The following ITPK1 variants were observed in gnomAD, a reference collection of about 807,000 sequenced individuals.
The protein encoded by ITPK1 is inositol 1,3,4-trisphosphate 5/6-kinase.
Under a neutral mutation model 45.3 loss-of-function variants are expected in ITPK1, and 21 were observed. The observed-to-expected ratio is 0.46, with a 90% confidence interval of 0.33 to 0.67. ITPK1 has a LOEUF of 0.67. ITPK1 is among the 30% of genes least tolerant of loss of function. ITPK1 has a pLI of 0.02. For synonymous variants in ITPK1, 258 were observed against 253.6 expected (o/e 1.02, Z -0.16); for missense variants, 474 against 573.5 (o/e 0.83, Z 1.77).
chr14:93,094,030 C>T lies in ITPK1; in HGVS notation c.96-17411G>A, dbSNP rs371812480. ...TCCTGGGGCGCTCCAGCCAGGCCCC[C>T]ACCGCCTCGGCTCCACCGCTCCCGG... On this transcript the variant is annotated intron_variant, in intron 2 of 10. Coordinates refer to ENST00000267615, the MANE Select transcript of ITPK1 (RefSeq NM_014216.6). Among the ~76,000 whole-genome samples, 11 of 152,314 alleles carry T rather than the reference C, an allele frequency of 7.2e-5. 1 individual carries two copies. In the East Asian group the frequency reaches 1.4e-3, roughly 19 times the overall value.
intron 5 of ITPK1, among the ~76,000 whole-genome samples, chr14:92,987,789 G>A (rs1886565860): frequency 6.6e-6 from 1 of 152,202 alleles, no homozygotes; most frequent in Non-Finnish European, 1.5e-5. Flanking sequence ...GCCAGACCTG[G>A]TTCCACATGC....
At chr14:93,007,684 C>T (rs886874291) in intron 4 of ITPK1, among the ~76,000 whole-genome samples, 1 of 152,174 alleles carries the variant, frequency 6.6e-6, no homozygotes, top group African/African-American at 2.4e-5. Flanking sequence ...AGAGACAGAT[C>T]CTGCTGCCAG....
intron 2 of ITPK1, among the ~76,000 whole-genome samples, chr14:93,079,843 A>T (rs1290322850): frequency 6.6e-6 from 1 of 152,224 alleles, no homozygotes. Context: ...AGGGAACACA[A>T]ATCAGAGCAT....
chr14:93,058,423 CG>C, intron 3 of ITPK1, among the ~76,000 whole-genome samples: 1 of 43,058 alleles, frequency 2.3e-5, no homozygotes, highest in Non-Finnish European at 4.3e-5. Context: ...GGAGGGGGTG[CG>C]GGTCACGAGG....
At chr14:93,030,382 G>C (rs1333445600) in intron 3 of ITPK1, among the ~76,000 whole-genome samples, 3 of 152,238 alleles carry the variant, frequency 2.0e-5, no homozygotes, top group African/African-American at 4.8e-5. Context: ...GCCTCAGTTT[G>C]TGTGAGTGAT....
intron 5 of ITPK1, among the ~76,000 whole-genome samples, chr14:92,981,991 C>T (rs747309452): frequency 2.0e-5 from 3 of 152,308 alleles, no homozygotes; most frequent in East Asian, 1.9e-4. Context: ...CCCTGGGGTT[C>T]GGCTTGGCTG....
chr14:92,951,828 G>A (rs569893308), intron 9 of ITPK1, 118 bp downstream of exon 9: 24 of 772,768 alleles, frequency 3.1e-5, no homozygotes, highest in Admixed American at 9.2e-5. Context: ...GGAGGCAAAC[G>A]TCCTTCCCAC....
intron 5 of ITPK1, among the ~76,000 whole-genome samples, chr14:92,973,542 T>C (rs1246387398): frequency 4.6e-5 from 7 of 152,220 alleles, no homozygotes; most frequent in African/African-American, 1.7e-4. Context: ...AAAGTCACCT[T>C]CCCTCTGTGG....
rs534681758 is a variant in ITPK1, at chr14:93,012,228, T to A, written c.246+4448A>T. On this transcript the variant is annotated intron_variant, in intron 4 of 10. Transcript: ENST00000267615. The surrounding 1 kb of genome is among the most constrained non-coding windows in gnomAD (Gnocchi z 4.9). ...GGAGCAGACACAATCCCTGCCGCAG[T>A]GAAGGGACAGACAATAGCCACTGAT... Among the ~76,000 whole-genome samples the A allele has an allele frequency of 6.6e-6, 1 of 152,238 alleles. No individual in the cohort carries two copies. The highest frequency in any genetic ancestry group is 1.9e-4 in the East Asian group (1 of 5,172).
At chr14:93,075,326 CAAAAAAAAAAAAAAAAAAAAA>C (rs58089863) in intron 3 of ITPK1, among the ~76,000 whole-genome samples, 11 of 53,970 alleles carry the variant, frequency 2.0e-4, no homozygotes, top group East Asian at 6.5e-4. Context: ...GACTCCTTCT[CAAAAAAAAAAAAAAAAAAAAA>C]AAAAAAAAAA....
rs140475831 is a variant in ITPK1, at chr14:92,941,072, G to A, written c.*489C>T. 5.0e-4 allele frequency: 599 copies of A among 1,202,468 alleles called. 1 individual carries two copies. In the African/African-American group the frequency reaches 7.9e-3, roughly 16 times the overall value. 74.5% of individuals were successfully genotyped at this position (1,202,468 alleles called of 1,614,324 possible). Reference sequence around the variant, plus strand: ...AAAGCCTTGGTGGAGACCAGTAGGAGGAAAAACAAGGAAGGGGCAGGTCAG... The same window carrying A: ...AAAGCCTTGGTGGAGACCAGTAGGAAGAAAAACAAGGAAGGGGCAGGTCAG... On this transcript the variant is annotated 3_prime_UTR_variant, in exon 11 of 11. Transcript: ENST00000267615.
Position 93,115,215 on chromosome 14 carries a change from A to G in ITPK1, c.-52T>C. 1 of 1,340,842 alleles carries G rather than the reference A, an allele frequency of 7.5e-7. No homozygotes were observed. Among genetic ancestry groups the G allele is most frequent in the African/African-American group, 1.5e-5 (1 of 66,538 alleles). The allele number at this position is 1,340,842 out of a possible 1,614,324, so 83.1% of individuals were successfully genotyped here. A position where few individuals can be genotyped will look rare whatever the true frequency, so the allele number is the denominator to read the frequency against. On this transcript the variant is annotated 5_prime_UTR_variant, in exon 2 of 11. Coordinates refer to ENST00000267615, the MANE Select transcript of ITPK1 (RefSeq NM_014216.6). ...TCCGGAGGAAATCGCCCACAGGCCG[A>G]GTCTGGCGGCCGGCGCGCGCCGCGA...
At chr14:93,027,647 A>G (rs1005809412) in intron 3 of ITPK1, among the ~76,000 whole-genome samples, 1 of 152,226 alleles carries the variant, frequency 6.6e-6, no homozygotes, top group Admixed American at 6.5e-5. Context: ...ACAACTGTGT[A>G]CACGTGCCTC....
chr14:92,990,037 G>A (rs12589484), intron 5 of ITPK1, among the ~76,000 whole-genome samples: 1 of 152,088 alleles, frequency 6.6e-6, no homozygotes, highest in African/African-American at 2.4e-5. Context: ...CCATGTCTTG[G>A]AAGACTGCTA....
At position 92,938,567 on chromosome 14, in the gene ITPK1, C is replaced by T; in HGVS notation, c.*2994G>A. The stretch of plus-strand genomic sequence containing the variant: ...AATGTTTTTCCCAGGTTGCTTTCTC[C>T]TTTATTGACAGGCATGAGACACAGG... On this transcript the variant is annotated 3_prime_UTR_variant, in exon 11 of 11. Coordinates refer to ENST00000267615, the MANE Select transcript of ITPK1 (RefSeq NM_014216.6). 6.4e-7 allele frequency: 1 copy of T among 1,553,964 alleles called. No individual in the cohort carries two copies. Among genetic ancestry groups the T allele is most frequent in the Non-Finnish European group, 8.9e-7 (1 of 1,126,498 alleles).
intron 10 of ITPK1, among the ~76,000 whole-genome samples, chr14:92,946,104 T>C (rs1887672332): frequency 1.3e-5 from 2 of 152,118 alleles, no homozygotes; most frequent in African/African-American, 4.8e-5. Context: ...CTGTGGCCAC[T>C]GTGCCTGGCG....
rs553640626 is a variant in ITPK1, at chr14:93,034,754, C to T, written c.121-17953G>A. ...GAGGGTGAAGAAGCCAGTTTAGCAG[C>T]GGAGAAGGCTGGCATGGCCCCAGCA... On this transcript the variant is annotated intron_variant, in intron 3 of 10. Transcript: ENST00000267615. This position sits in a 1 kb window ranked among gnomAD's most constrained non-coding sequence, Gnocchi z 4.1. Among the ~76,000 whole-genome samples, 17 of 152,380 alleles carry T rather than the reference C, an allele frequency of 1.1e-4. No homozygotes were observed. Among genetic ancestry groups the T allele is most frequent in the African/African-American group, 3.6e-4 (15 of 41,598 alleles).
chr14:92,961,705 C>T (rs901854670), intron 7 of ITPK1, among the ~76,000 whole-genome samples: 4 of 152,350 alleles, frequency 2.6e-5, no homozygotes, highest in East Asian at 1.9e-4. Flanking sequence ...AGGCATGACT[C>T]GCACAAGCTC....
At chr14:92,970,980 G>A (rs1595098059) in intron 5 of ITPK1, among the ~76,000 whole-genome samples, 1 of 152,202 alleles carries the variant, frequency 6.6e-6, no homozygotes, top group South Asian at 2.1e-4. Flanking sequence ...CCCACCCCCG[G>A]ACTTCTCAGG....
Sources: allele counts gnomAD v4.1 joint callset (sites outside exome capture counted in the v4.1 genomes callset), GRCh38; gene constraint gnomAD v4.1.1; non-coding constraint Gnocchi (gnomAD v3.1); transcripts MANE v1.5; gene names NCBI Gene and HGNC (gene_info 2026-07-23, HGNC 2026-07-21).